The following RIPK1 variants were observed in gnomAD, a reference collection of about 807,000 sequenced individuals.
The protein encoded by RIPK1 is receptor-interacting serine/threonine-protein kinase 1.
A neutral mutation model predicts 62.4 loss-of-function variants in RIPK1; 27 were observed. The ratio of observed to expected loss-of-function variants is 0.43; its 90% confidence interval spans 0.32 to 0.60. The LOEUF (loss-of-function observed/expected upper bound fraction) is 0.60. Among genes scored for constraint, RIPK1 ranks in the 20% least tolerant of loss-of-function variants. The pLI is 0.07. For synonymous variants in RIPK1, 287 were observed against 303.2 expected, an observed-to-expected ratio of 0.95 and a Z score of 0.55; for missense variants, 735 against 831.0, an observed-to-expected ratio of 0.88 and a Z score of 1.42.
chr6:3,087,741 G>T (rs537561215), intron 6 of RIPK1, among the ~76,000 whole-genome samples: 11 of 151,766 alleles, frequency 7.2e-5, no homozygotes, highest in Non-Finnish European at 1.5e-4. Flanking sequence ...GGGTTTCACC[G>T]TGTTAGCCAG....
In RIPK1 at chr6:3,114,184, T is replaced by G. The variant is rs1761301402; in HGVS notation, c.*845T>G. The G allele has an allele frequency of 6.6e-6, 1 of 152,222 alleles. No homozygotes were observed. Among genetic ancestry groups the G allele is most frequent in the African/African-American group, 2.4e-5 (1 of 41,452 alleles). The allele number at this position is 152,222 out of a possible 1,614,324, so 9.4% of individuals were successfully genotyped here. On this transcript the variant is annotated 3_prime_UTR_variant, in exon 11 of 11. Transcript: ENST00000259808. The surrounding 1 kb of genome is among the most constrained non-coding windows in gnomAD (Gnocchi z 5.0). Reference sequence around the variant, plus strand: ...AAAATTCTTGATTGACTTTTAAAGTTATTTCCTGGCATTCTGGTACCTTCA... The same window carrying G: ...AAAATTCTTGATTGACTTTTAAAGTGATTTCCTGGCATTCTGGTACCTTCA...
In RIPK1 at chr6:3,072,752, C is replaced by T. The variant is rs999751187; in HGVS notation, c.-60-4012C>T. Reference sequence around the variant, plus strand: ...CCTTGACAAAATGACAGTTCTCTGACACCTAACCAGGCAAGAAGTTGGAAG... The same window carrying T: ...CCTTGACAAAATGACAGTTCTCTGATACCTAACCAGGCAAGAAGTTGGAAG... On this transcript the variant is annotated intron_variant, in intron 1 of 10. Coordinates refer to ENST00000259808, the MANE Select transcript of RIPK1 (RefSeq NM_001354930.2). The surrounding 1 kb of genome is among the most constrained non-coding windows in gnomAD (Gnocchi z 5.6). 3.3e-5 allele frequency among the ~76,000 whole-genome samples: 5 copies of T among 152,136 alleles called. No individual in the cohort carries two copies. Among genetic ancestry groups the T allele is most frequent in the Admixed American group, 6.5e-5 (1 of 15,278 alleles).
chr6:3,088,574 G>A (rs1292835890), intron 6 of RIPK1: 1 of 152,374 alleles, frequency 6.6e-6, no homozygotes, highest in Admixed American at 6.5e-5. Flanking sequence ...TTACCCCGGT[G>A]GGGGTGTTGG....
intron 7 of RIPK1, among the ~76,000 whole-genome samples, chr6:3,102,824 C>G (rs184888651): frequency 6.6e-6 from 1 of 152,228 alleles, no homozygotes; most frequent in Non-Finnish European, 1.5e-5. Context: ...AGGCTGGTCT[C>G]AAACTCCTAA....
At chr6:3,090,767 T>A (rs1293457931) in intron 7 of RIPK1, among the ~76,000 whole-genome samples, 1 of 147,970 alleles carries the variant, frequency 6.8e-6, no homozygotes, top group Non-Finnish European at 1.5e-5. Flanking sequence ...GCAGCGCACC[T>A]ACCTGCCGCA....
Position 3,072,404 on chromosome 6 carries a change from T to TATATAA in RIPK1, c.-61+3744_-61+3745insTATAAA, listed in dbSNP as rs1491199618. Among the ~76,000 whole-genome samples, 4 of 145,816 alleles carry TATATAA rather than the reference T, an allele frequency of 2.7e-5. No homozygotes were observed. The highest frequency in any genetic ancestry group is 1.0e-4 in the African/African-American group (4 of 39,980). On this transcript the variant is annotated intron_variant, in intron 1 of 10. Coordinates refer to ENST00000259808, the MANE Select transcript of RIPK1 (RefSeq NM_001354930.2). The surrounding 1 kb of genome is among the most constrained non-coding windows in gnomAD (Gnocchi z 5.6). ...TTATCTATTTACATATATATATATA[T>TATATAA]AAAACACACACAAATGTGAATATAA...
chr6:3,110,981 G>T (rs765024068), intron 10 of RIPK1, 26 bp downstream of exon 10: 2 of 1,546,018 alleles, frequency 1.3e-6, no homozygotes, highest in Non-Finnish European at 8.8e-7. Context: ...AGGACTCAAC[G>T]CCTAGCAACC....
At chr6:3,081,243 G>C (rs1275320330) in intron 4 of RIPK1, 127 bp downstream of exon 4, 2 of 1,042,426 alleles carry the variant, frequency 1.9e-6, no homozygotes, top group Non-Finnish European at 1.4e-6. Flanking sequence ...TGTTGATGAT[G>C]GTGCCGAAAG....
At chr6:3,076,642 T>G (rs1419063557) in intron 1 of RIPK1, 122 bp from the exon 2 acceptor site, 1 of 183,902 alleles carries the variant, frequency 5.4e-6, no homozygotes, top group Non-Finnish European at 1.0e-5. Context: ...ATTGTGCCAC[T>G]GCACTCCAGC....
chr6:3,106,077 G>C, intron 9 of RIPK1, 26 bp downstream of exon 9: 3 of 1,491,766 alleles, frequency 2.0e-6, no homozygotes, highest in Non-Finnish European at 2.7e-6. Context: ...ATAGTCACAA[G>C]CTTGTCTTTT....
chr6:3,098,861 G>C (rs949151985), intron 7 of RIPK1, among the ~76,000 whole-genome samples: 1 of 152,218 alleles, frequency 6.6e-6, no homozygotes, highest in Non-Finnish European at 1.5e-5. Flanking sequence ...TCTGGCAGCC[G>C]GGAGCACTGA....
chr6:3,097,219 G>A (rs1205686077), intron 7 of RIPK1, among the ~76,000 whole-genome samples: 2 of 152,142 alleles, frequency 1.3e-5, no homozygotes, highest in Non-Finnish European at 1.5e-5. Context: ...TGGGTGTGAG[G>A]AGTGGAACTT....
rs202211003 is a variant in RIPK1 at position 3,111,149 on chromosome 6, GTATT to G, written c.1729+197_1729+200del. Among the ~76,000 whole-genome samples, 1,154 of 152,222 alleles carry G rather than the reference GTATT, an allele frequency of 7.6e-3. 47 individuals carry two copies. The highest frequency in any genetic ancestry group is 0.065 in the Admixed American group (999 of 15,284). ...TATTTTTAATATGGAGATAATCACA[GTATT>G]TAATTTATGGATTTGTTGTGAAAAT... On this transcript the variant is annotated intron_variant, in intron 10 of 10. Transcript: ENST00000259808.
At chr6:3,064,858 G>T (rs1346670407), upstream of RIPK1, among the ~76,000 whole-genome samples, 1 of 152,110 alleles carries the variant, frequency 6.6e-6, no homozygotes, top group Non-Finnish European at 1.5e-5. Context: ...TCAAGGGAGG[G>T]GCAGGTGGAG....
Position 3,076,915 on chromosome 6 carries a change from T to C in RIPK1, c.92T>C (p.Val31Ala). 1 of 1,611,856 alleles carries C rather than the reference T, an allele frequency of 6.2e-7. No individual in the cohort carries two copies. The highest frequency in any genetic ancestry group is 8.5e-7 in the Non-Finnish European group (1 of 1,178,742). The change falls in exon 2 of 11, where the codon GTG (valine) becomes GCG (alanine). Residue 31 changes from valine (V) to alanine (A), a missense_variant. Around this residue, in one of 2 missense-constraint regions of RIPK1, gnomAD observed 671 missense variants for 726.2 expected, o/e 0.92. Transcript: ENST00000259808. ...CTGGACAGCGGAGGCTTTGGGAAGGTGTCTCTGTGTTTCCACAGAACCCAG... is the reference window on the plus strand; with the variant it reads ...CTGGACAGCGGAGGCTTTGGGAAGGCGTCTCTGTGTTTCCACAGAACCCAG... The part of the protein sequence containing the change: ...AELDSGGFGK[V>A]SLCFHRTQGL...
At chr6:3,111,233 T>A (rs1761141032) in intron 10 of RIPK1, among the ~76,000 whole-genome samples, 2 of 152,150 alleles carry the variant, frequency 1.3e-5, no homozygotes. Context: ...CATAGTAAGT[T>A]CTATAAAAAG....
intron 7 of RIPK1, among the ~76,000 whole-genome samples, chr6:3,098,793 G>T (rs1294831416): frequency 6.6e-6 from 1 of 152,252 alleles, no homozygotes; most frequent in Non-Finnish European, 1.5e-5. Context: ...GTGCAAGGAA[G>T]GAGTGGGAAG....
chr6:3,080,907 C>G (rs1196112353), intron 3 of RIPK1, 72 bp from the exon 4 acceptor site: 2 of 1,493,372 alleles, frequency 1.3e-6, no homozygotes, highest in Non-Finnish European at 1.8e-6. Context: ...TCCCACCACC[C>G]TTTCATGAAA....
At position 3,077,763 on chromosome 6, in the gene RIPK1, C is replaced by T. The variant is rs750397023; in HGVS notation, c.165-16C>T. ...TGGCTCTGCCAGCCTCAGCATAGCA[C>T]CTTTCCTGCCCACAGGCACAACGAG... is the stretch of plus-strand genomic sequence containing the variant. On this transcript the variant is annotated splice_polypyrimidine_tract_variant and intron_variant, in intron 2 of 10. Coordinates refer to ENST00000259808, the MANE Select transcript of RIPK1 (RefSeq NM_001354930.2). 5.0e-6 allele frequency: 8 copies of T among 1,613,484 alleles called. No homozygotes were observed. The highest frequency in any genetic ancestry group is 3.3e-4 in the Middle Eastern group (2 of 6,056).
Sources: gnomAD v4.1 joint callset for allele counts (sites outside exome capture counted in the v4.1 genomes callset) on GRCh38, gnomAD v4.1.1 for gene constraint, gnomAD v4.1.1 regional missense constraint, Gnocchi (gnomAD v3.1) non-coding constraint, MANE v1.5 for transcripts, NCBI Gene and HGNC (gene_info 2026-07-23, HGNC 2026-07-21) for gene names.